Variants in MTFR1 observed in about 807,000 individuals in gnomAD.
MTFR1 encodes chondrocyte protein with a poly-proline region.
MTFR1 carries 28 observed loss-of-function variants against 38.8 expected under a neutral mutation model. The observed-to-expected ratio is 0.72, with a 90% CI of 0.53 to 0.99. The LOEUF (loss-of-function observed/expected upper bound fraction) is 0.99, where lower values mean the gene tolerates loss of function less well. MTFR1 is among the 50% of genes least tolerant of loss of function. MTFR1 has a pLI of 0.00. For missense variants in MTFR1, 358 were observed against 395.5 expected, an observed-to-expected ratio of 0.91 and a Z score of 0.81; for synonymous variants, 145 against 137.0, an observed-to-expected ratio of 1.06 and a Z score of -0.41.
At chr8:65,744,924 C>T (rs1288077029) in intron 3 of MTFR1, among the ~76,000 whole-genome samples, 1 of 152,124 alleles carries the variant, frequency 6.6e-6, no homozygotes, top group Non-Finnish European at 1.5e-5. Flanking sequence ...AATGATGCTC[C>T]CTGATATGGT....
chr8:65,777,984 CT>C, the MTFR1 span, among the ~76,000 whole-genome samples: 1 of 152,200 alleles, frequency 6.6e-6, no homozygotes, highest in African/African-American at 2.4e-5. Flanking sequence ...TCTTTAAAGA[CT>C]GCTCCTGCTA....
intron 2 of MTFR1, among the ~76,000 whole-genome samples, chr8:65,672,535 C>G (rs1283239028): frequency 6.6e-6 from 1 of 151,208 alleles, no homozygotes; most frequent in African/African-American, 2.4e-5. Flanking sequence ...TTCTTTGAGA[C>G]AGTCTCACTC....
rs182425867 is a variant in MTFR1, at chr8:65,742,515, C to T, written c.*48+23034C>T. On this transcript the variant is annotated intron_variant, in intron 3 of 3. Coordinates refer to the MTFR1 transcript ENST00000521247. ...CTTCCTCCTCTGCCTTGCTGTTCTTCCCCCAATATCAACTGGGAAATTACC... is the reference window on the plus strand; with the variant it reads ...CTTCCTCCTCTGCCTTGCTGTTCTTTCCCCAATATCAACTGGGAAATTACC... 5.1e-3 allele frequency among the ~76,000 whole-genome samples: 783 copies of T among 152,292 alleles called. 6 individuals are homozygous for T. The highest frequency in any genetic ancestry group is 0.01 in the Middle Eastern group (3 of 294).
intron 5 of MTFR1, 77 bp downstream of exon 5, chr8:65,705,006 T>C: frequency 8.2e-7 from 1 of 1,221,510 alleles, no homozygotes; most frequent in Non-Finnish European, 1.2e-6. Context: ...TAAAATCAAT[T>C]AGTAACAGCT....
At chr8:65,667,291 A>G (rs1469453838) in intron 1 of MTFR1, among the ~76,000 whole-genome samples, 1 of 151,520 alleles carries the variant, frequency 6.6e-6, no homozygotes, top group Non-Finnish European at 1.5e-5. Flanking sequence ...AAAAAAAAGG[A>G]AAGTTAGAAC....
chr8:65,660,259 C>G (rs1476492577), intron 1 of MTFR1, among the ~76,000 whole-genome samples: 1 of 147,852 alleles, frequency 6.8e-6, no homozygotes, highest in Non-Finnish European at 1.5e-5. Context: ...CCATTGTACT[C>G]CAGCCTGGGC....
At chr8:65,665,003 C>T (rs1266448304) in intron 1 of MTFR1, among the ~76,000 whole-genome samples, 18 of 146,454 alleles carry the variant, frequency 1.2e-4, no homozygotes. Flanking sequence ...GGCATGATCT[C>T]GGCTCACTGC....
At chr8:65,683,474 C>T (rs1250798469) in intron 3 of MTFR1, among the ~76,000 whole-genome samples, 1 of 151,360 alleles carries the variant, frequency 6.6e-6, no homozygotes, top group Non-Finnish European at 1.5e-5. Flanking sequence ...TATCACATAA[C>T]TTTGTTCTTT....
At chr8:65,673,920 A>C (rs188841367) in intron 2 of MTFR1, among the ~76,000 whole-genome samples, 1 of 152,132 alleles carries the variant, frequency 6.6e-6, no homozygotes, top group Non-Finnish European at 1.5e-5. Context: ...AAAAAATAGT[A>C]ATGCATAAGT....
chr8:65,708,120 A>G lies in MTFR1; in HGVS notation c.933+109A>G, dbSNP rs749052023. 71 of 1,599,916 alleles carry G rather than the reference A, an allele frequency of 4.4e-5. 2 individuals are homozygous for G. The South Asian group carries it at 7.2e-4, about 16-fold the overall frequency. ...TGTGTCATCTGTAAGTTCCAAAGGG[A>G]GGTGATACAGGATTTGGTCCCTGCC... On this transcript the variant is annotated intron_variant, in intron 7 of 7. Coordinates refer to ENST00000262146, the MANE Select transcript of MTFR1 (RefSeq NM_014637.4).
chr8:65,759,385 G>A (rs897970662), intron 3 of MTFR1, among the ~76,000 whole-genome samples: 2 of 152,204 alleles, frequency 1.3e-5, no homozygotes, highest in South Asian at 2.1e-4. Flanking sequence ...TCAGGGATCC[G>A]CCAGAATGAC....
chr8:65,674,522 G>A (rs1291718004), intron 2 of MTFR1, among the ~76,000 whole-genome samples: 1 of 151,922 alleles, frequency 6.6e-6, no homozygotes, highest in African/African-American at 2.4e-5. Context: ...TGAGGTGGGA[G>A]GATCACTTGA....
At chr8:65,654,794 T>C (rs899543754) in intron 1 of MTFR1, among the ~76,000 whole-genome samples, 12 of 152,096 alleles carry the variant, frequency 7.9e-5, no homozygotes, top group African/African-American at 2.9e-4. Context: ...CCCAGGGTGG[T>C]CTTGAACTAC....
chr8:65,699,204 G>C (rs902551343), intron 4 of MTFR1, among the ~76,000 whole-genome samples: 1 of 152,108 alleles, frequency 6.6e-6, no homozygotes, highest in African/African-American at 2.4e-5. Context: ...AGTATTCCAT[G>C]GTGTCTATCT....
chr8:65,751,936 C>A (rs970772804), intron 3 of MTFR1, among the ~76,000 whole-genome samples: 2 of 152,114 alleles, frequency 1.3e-5, no homozygotes, highest in African/African-American at 4.8e-5. Flanking sequence ...GCATAGACAC[C>A]TTCCCTGTTC....
At chr8:65,765,931 GAA>G (rs1340185533) in intron 3 of MTFR1, among the ~76,000 whole-genome samples, 1 of 152,108 alleles carries the variant, frequency 6.6e-6, no homozygotes. Context: ...ATTTAGAGCA[GAA>G]AAGAGATGAA....
chr8:65,738,988 G>A (rs994689771), intron 3 of MTFR1, among the ~76,000 whole-genome samples: 11 of 152,174 alleles, frequency 7.2e-5, no homozygotes, highest in African/African-American at 2.7e-4. Flanking sequence ...TGCATCCCTG[G>A]TCTGACTTGC....
rs1805805647 is a variant in MTFR1, at chr8:65,707,157, G to C, written c.665G>C (p.Gly222Ala). The change falls in exon 6 of 8, where the codon GGA becomes GCA. Residue 222 changes from glycine to alanine, a missense_variant. By Grantham distance (60) the Gly-to-Ala change is moderately conservative. Transcript: ENST00000262146. ...KERREKRANA[G>A]KTLVKNNPKK... ...CGAAGAGAGAAAAGAGCCAATGCTG[G>C]AAAGACTTTGGTTAAGAACAATCCA... is the stretch of plus-strand genomic sequence containing the variant. 1 of 1,613,996 alleles carries C rather than the reference G, an allele frequency of 6.2e-7. No homozygotes were observed. The highest frequency in any genetic ancestry group is 1.3e-5 in the African/African-American group (1 of 74,894).
chr8:65,719,134 A>G lies in MTFR1; in HGVS notation c.382-246A>G, dbSNP rs1191537393. On this transcript the variant is annotated intron_variant, in intron 2 of 3. Transcript: ENST00000521247. The stretch of plus-strand genomic sequence containing the variant: ...TCTTGCAATTAACAAGTGGGTTCAA[A>G]TGATCCAACAGAGGAAATCTTGGAA... 7 of 616,774 alleles carry G rather than the reference A, an allele frequency of 1.1e-5. No individual in the cohort carries two copies. The East Asian group carries it at 1.9e-4, about 17-fold the overall frequency. 38.2% of individuals were successfully genotyped at this position (616,774 alleles called of 1,614,324 possible). A position where few individuals can be genotyped will look rare whatever the true frequency, so the allele number is the denominator to read the frequency against.
Sources: allele counts gnomAD v4.1 joint callset (sites outside exome capture counted in the v4.1 genomes callset), GRCh38; gene constraint gnomAD v4.1.1; transcripts MANE v1.5; gene names NCBI Gene and HGNC (gene_info 2026-07-23, HGNC 2026-07-21).